Variants in RPS6KA3 observed in about 807,000 individuals in gnomAD.
The protein encoded by RPS6KA3 is ribosomal protein S6 kinase A3, also known as ribosomal protein S6 kinase alpha-3.
A neutral mutation model predicts 67.2 loss-of-function variants in RPS6KA3; 4 were observed. The ratio of observed to expected loss-of-function variants is 0.06; its 90% CI spans 0.03 to 0.14. The LOEUF (loss-of-function observed/expected upper bound fraction) is 0.14. Ranked by LOEUF, RPS6KA3 falls within the 10% of genes least tolerant of loss-of-function variation. The pLI, the probability that RPS6KA3 is intolerant of heterozygous loss-of-function variation, is 1.00. For synonymous variants in RPS6KA3, 182 were observed against 183.7 expected (o/e 0.99, Z 0.07); for missense variants, 204 against 559.0 (o/e 0.36, Z 6.40).
intron 1 of RPS6KA3, among the ~76,000 whole-genome samples, chrX:20,256,172 CAAAAA>C (rs35947983): frequency 6.9e-5 from 1 of 14,465 alleles, no homozygotes; most frequent in Admixed American, 1.3e-3. Context: ...GACACCGTCT[CAAAAA>C]AAAAAAAAAA....
intron 3 of RPS6KA3, among the ~76,000 whole-genome samples, chrX:20,205,154 A>G (rs1423471212): frequency 2.7e-5 from 3 of 112,520 alleles, no homozygotes; most frequent in Non-Finnish European, 5.6e-5. Context: ...TGGTCATTCT[A>G]TAACATGGCT....
chrX:20,250,053 A>G (rs975576076), intron 1 of RPS6KA3, among the ~76,000 whole-genome samples: 2 of 112,487 alleles, frequency 1.8e-5, no homozygotes, highest in Non-Finnish European at 3.8e-5. Flanking sequence ...TTTGACAAAA[A>G]TCAGTTGGCT....
chrX:20,209,260 CT>C (rs1395237799), intron 3 of RPS6KA3, 27 bp downstream of exon 3: 2 of 843,494 alleles, frequency 2.4e-6, no homozygotes, highest in East Asian at 3.1e-5. Context: ...AAAGACAACT[CT>C]TAAAAAAGCA....
At chrX:20,168,946 G>A (rs930691100) in intron 16 of RPS6KA3, among the ~76,000 whole-genome samples, 1 of 111,325 alleles carries the variant, frequency 9.0e-6, no homozygotes, top group Non-Finnish European at 1.9e-5. Flanking sequence ...TTGACCTGCC[G>A]GGCTGAAGCA....
chrX:20,179,514 G>A (rs972565113), intron 10 of RPS6KA3, among the ~76,000 whole-genome samples: 1 of 111,019 alleles, frequency 9.0e-6, no homozygotes, highest in East Asian at 2.8e-4. Context: ...TAAAAATAAT[G>A]ACTGCAATTG....
chrX:20,251,834 A>G (rs1386658886), intron 1 of RPS6KA3, among the ~76,000 whole-genome samples: 1 of 112,019 alleles, frequency 8.9e-6, no homozygotes, highest in Non-Finnish European at 1.9e-5. Context: ...CATTTATCTT[A>G]TTTGGGATTC....
chrX:20,226,331 C>G (rs946594796), intron 2 of RPS6KA3, among the ~76,000 whole-genome samples: 8 of 111,229 alleles, frequency 7.2e-5, no homozygotes, highest in African/African-American at 2.3e-4. Context: ...AAATAGAAAC[C>G]AAGGGGATAT....
intron 10 of RPS6KA3, among the ~76,000 whole-genome samples, chrX:20,179,602 C>T (rs1469929346): frequency 1.8e-5 from 2 of 111,448 alleles, no homozygotes; most frequent in Non-Finnish European, 3.8e-5. Context: ...TACAAAAACT[C>T]GACTCACTGG....
chrX:20,238,595 T>C (rs979327016), intron 1 of RPS6KA3, among the ~76,000 whole-genome samples: 1 of 111,125 alleles, frequency 9.0e-6, no homozygotes, highest in East Asian at 2.8e-4. Flanking sequence ...GCTAATAGTA[T>C]AGTATATACT....
In RPS6KA3 at chrX:20,266,751, GCGGCA is replaced by G. The variant is rs1210930306; in HGVS notation, c.-124_-120del. 102 of 197,754 alleles carry G rather than the reference GCGGCA, an allele frequency of 5.2e-4. No homozygotes were observed. In the African/African-American group the frequency reaches 7.6e-3, roughly 15 times the overall value. The allele number at this position is 197,754 out of a possible 1,213,427, so 16.3% of individuals were successfully genotyped here. The stretch of plus-strand genomic sequence containing the variant: ...GGCGGCGGCGGCGGCGGCGGCGGCA[GCGGCA>G]GCGGCAGCGGCAGCAGCAGCAGCAG... On this transcript the variant is annotated 5_prime_UTR_variant, in exon 1 of 22. Coordinates refer to ENST00000379565, the MANE Select transcript of RPS6KA3 (RefSeq NM_004586.3).
At chrX:20,200,204 A>G (rs968435781) in intron 4 of RPS6KA3, among the ~76,000 whole-genome samples, 30 of 112,502 alleles carry the variant, frequency 2.7e-4, no homozygotes, top group African/African-American at 9.0e-4. Context: ...TGAAAAGGGA[A>G]ACTGTGAGTG....
In RPS6KA3 at chrX:20,152,403, C is replaced by T. The variant is rs1431060887; in HGVS notation, c.*2995G>A. 1 of 112,721 alleles carries T rather than the reference C, an allele frequency of 8.9e-6. No individual in the cohort carries two copies. Among genetic ancestry groups the T allele is most frequent in the Non-Finnish European group, 1.9e-5 (1 of 53,299 alleles). 9.3% of individuals were successfully genotyped at this position (112,721 alleles called of 1,213,427 possible). On this transcript the variant is annotated 3_prime_UTR_variant, in exon 22 of 22. Transcript: ENST00000379565. ...CACATGGTAGTGTAATTCATACCTTCCAGTACGTGCTTGACAAGCTTAAAT... is the reference window on the plus strand; with the variant it reads ...CACATGGTAGTGTAATTCATACCTTTCAGTACGTGCTTGACAAGCTTAAAT...
intron 1 of RPS6KA3, among the ~76,000 whole-genome samples, chrX:20,238,921 G>A (rs775809794): frequency 1.8e-4 from 20 of 111,258 alleles, no homozygotes; most frequent in African/African-American, 2.3e-4. Context: ...AATGACGGTT[G>A]GTTTTATTAG....
intron 2 of RPS6KA3, 91 bp downstream of exon 2, chrX:20,234,667 G>A (rs1046233252): frequency 1.5e-6 from 1 of 669,699 alleles, no homozygotes; most frequent in Non-Finnish European, 2.4e-6. Context: ...TTCTAACACT[G>A]TAAAATGATT....
intron 1 of RPS6KA3, chrX:20,241,516 T>G (rs1243076397): frequency 2.9e-5 from 3 of 104,688 alleles, no homozygotes; most frequent in Non-Finnish European, 5.9e-5. Flanking sequence ...TAACAGATGT[T>G]CCTAAAGAAA....
intron 1 of RPS6KA3, among the ~76,000 whole-genome samples, chrX:20,260,755 T>C (rs187353864): frequency 8.9e-6 from 1 of 111,905 alleles, no homozygotes; most frequent in East Asian, 2.8e-4. Context: ...TATCATTTCA[T>C]TTAATTCTCA....
rs1312167140 is a variant in RPS6KA3, at chrX:20,226,654, C to G, written c.126+8104G>C. On this transcript the variant is annotated intron_variant, in intron 2 of 21. Coordinates refer to ENST00000379565, the MANE Select transcript of RPS6KA3 (RefSeq NM_004586.3). ...AGTTACAACTACTTTTTAAATTTCA[C>G]TTGAATTTTTATCAAAGGCTTTATA... 1.3e-4 allele frequency among the ~76,000 whole-genome samples: 15 copies of G among 112,259 alleles called. No homozygotes were observed. In the Admixed American group the frequency reaches 1.4e-3, roughly 11 times the overall value.
intron 18 of RPS6KA3, among the ~76,000 whole-genome samples, chrX:20,163,738 G>C (rs2067363509): frequency 9.0e-6 from 1 of 110,855 alleles, no homozygotes; most frequent in African/African-American, 3.3e-5. Context: ...GCGCGATCTT[G>C]GCTCACTGCA....
intron 2 of RPS6KA3, among the ~76,000 whole-genome samples, chrX:20,228,367 G>A (rs1398217423): frequency 4.5e-5 from 5 of 111,818 alleles, no homozygotes; most frequent in African/African-American, 1.6e-4. Context: ...CCAAAGGACA[G>A]TATCTGACAT....
Sources: gnomAD v4.1 joint callset for allele counts (sites outside exome capture counted in the v4.1 genomes callset) on GRCh38, gnomAD v4.1.1 for gene constraint, MANE v1.5 for transcripts, NCBI Gene and HGNC (gene_info 2026-07-23, HGNC 2026-07-21) for gene names.